Variants in SELENOI observed in about 807,000 individuals in gnomAD.
SELENOI encodes ethanolaminephosphotransferase 1.
In SELENOI, 24 loss-of-function variants were observed where a neutral mutation model predicts 50.7. The observed-to-expected ratio is 0.47, with a 90% CI of 0.34 to 0.67. The LOEUF (loss-of-function observed/expected upper bound fraction) is 0.67. Among genes scored for constraint, SELENOI ranks in the 30% least tolerant of loss-of-function variants. SELENOI has a pLI of 0.01. For missense variants in SELENOI, 352 were observed against 461.4 expected (o/e 0.76, Z 2.17); for synonymous variants, 155 against 170.2 (o/e 0.91, Z 0.70).
chr2:26,393,407 T>C lies in SELENOI; in HGVS notation c.*4304T>C, dbSNP rs1041785111. 7.9e-5 allele frequency: 12 copies of C among 152,608 alleles called. No homozygotes were observed. Among genetic ancestry groups the C allele is most frequent in the Non-Finnish European group, 1.6e-4 (11 of 68,018 alleles). The allele number at this position is 152,608 out of a possible 1,614,324, so 9.5% of individuals were successfully genotyped here. A position where few individuals can be genotyped will look rare whatever the true frequency, so the allele number is the denominator to read the frequency against. On this transcript the variant is annotated 3_prime_UTR_variant, in exon 10 of 10. Coordinates refer to ENST00000260585, the MANE Select transcript of SELENOI (RefSeq NM_033505.4). ...TACTTTTTTTAAAGCAGGGATCTGC[T>C]CCCTATCTAGACAGATCTTTTAATG...
Position 26,383,816 on chromosome 2 carries a change from G to A in SELENOI, c.731+469G>A, listed in dbSNP as rs112022872. Among the ~76,000 whole-genome samples the A allele has an allele frequency of 9.3e-3, 1,415 of 152,264 alleles. 6 individuals are homozygous for A. The highest frequency in any genetic ancestry group is 0.015 in the Non-Finnish European group (1,024 of 68,008). The stretch of plus-strand genomic sequence containing the variant: ...TTGAACCTGGGAGGCGGAGGTTGCA[G>A]TGAGTCGAGATCGCGCCACTGCACT... On this transcript the variant is annotated intron_variant, in intron 7 of 9. Transcript: ENST00000260585.
Position 26,373,532 on chromosome 2 carries a change from T to G in SELENOI, c.476T>G (p.Leu159Arg). 6.2e-7 allele frequency: 1 copy of G among 1,613,990 alleles called. No individual in the cohort carries two copies. Among genetic ancestry groups the G allele is most frequent in the Non-Finnish European group, 8.5e-7 (1 of 1,179,882 alleles). Residue 159 changes from leucine to arginine, a missense_variant, in exon 5 of 10, where the codon CTG (leucine) becomes CGG (arginine). By Grantham distance (102) the Leu-to-Arg change is moderately radical (BLOSUM62 -2). Coordinates refer to ENST00000260585, the MANE Select transcript of SELENOI (RefSeq NM_033505.4). The part of the protein sequence containing the change: ...TGVSVFVLYL[L>R]LWVVLFSFIL... Reference sequence around the variant, plus strand: ...GTCAGTGTTTTTGTTCTTTATCTCCTGCTATGGGTAGTTTTGTTTTCTTTC... The same window carrying G: ...GTCAGTGTTTTTGTTCTTTATCTCCGGCTATGGGTAGTTTTGTTTTCTTTC...
intron 9 of SELENOI, among the ~76,000 whole-genome samples, chr2:26,387,426 C>T (rs764809096): frequency 2.0e-4 from 30 of 152,014 alleles, no homozygotes; most frequent in Non-Finnish European, 4.0e-4. Context: ...TGTGGTGGCT[C>T]ATGCCTGTAA....
intron 5 of SELENOI, 87 bp from the exon 6 acceptor site, chr2:26,374,953 T>G (rs1166260129): frequency 1.1e-6 from 1 of 872,710 alleles, no homozygotes; most frequent in Non-Finnish European, 1.8e-6. Context: ...ACTGTTTGAC[T>G]TGACTTAATG....
chr2:26,346,317 C>G (rs1676751679), intron 1 of SELENOI, 28 bp downstream of exon 1: 1 of 1,597,538 alleles, frequency 6.3e-7, no homozygotes, highest in Non-Finnish European at 8.5e-7. Context: ...ATGCCCCTCT[C>G]CCTGCTCCCG....
intron 1 of SELENOI, among the ~76,000 whole-genome samples, chr2:26,360,385 T>C (rs990304987): frequency 1.8e-4 from 27 of 152,354 alleles, no homozygotes; most frequent in African/African-American, 1.9e-4. Flanking sequence ...TCCAATTAGG[T>C]AAACTGGCCT....
At chr2:26,387,526 A>T (rs1039017266) in intron 9 of SELENOI, among the ~76,000 whole-genome samples, 7 of 147,636 alleles carry the variant, frequency 4.7e-5, no homozygotes, top group African/African-American at 1.5e-4. Flanking sequence ...CCCTGTCTCT[A>T]CAAAAAATAC....
chr2:26,377,511 A>G (rs1677593268), intron 6 of SELENOI, among the ~76,000 whole-genome samples: 1 of 152,120 alleles, frequency 6.6e-6, no homozygotes. Context: ...GCATGCCTGT[A>G]GTCCCAGTTA....
intron 1 of SELENOI, among the ~76,000 whole-genome samples, chr2:26,352,149 A>G (rs1676973962): frequency 6.6e-6 from 1 of 152,130 alleles, no homozygotes. Context: ...CAGAGAAGAA[A>G]AAAAAGCCAA....
intron 1 of SELENOI, among the ~76,000 whole-genome samples, chr2:26,358,150 C>T (rs13014464): frequency 0.29 from 43,541 of 152,062 alleles, 7,212 homozygotes; most frequent in Middle Eastern, 0.37. Context: ...CGCCTGCAAT[C>T]CCAGCACTTT....
intron 4 of SELENOI, among the ~76,000 whole-genome samples, chr2:26,369,434 A>G (rs1477190021): frequency 1.3e-5 from 2 of 152,058 alleles, no homozygotes; most frequent in East Asian, 1.9e-4. Context: ...CTTTTTTTCT[A>G]TTAACACTAC....
chr2:26,348,996 CTTTTTTTTTTTTTTTTTTTTTTT>C (rs869073468), intron 1 of SELENOI, among the ~76,000 whole-genome samples: 5 of 57,690 alleles, frequency 8.7e-5, no homozygotes, highest in East Asian at 8.6e-4. Flanking sequence ...TTTGGACAGG[CTTTTTTTTTTTTTTTTTTTTTTT>C]TTTTTTTTTT....
chr2:26,362,865 G>T (rs1677211314), intron 1 of SELENOI, among the ~76,000 whole-genome samples: 1 of 152,174 alleles, frequency 6.6e-6, no homozygotes, highest in South Asian at 2.1e-4. Context: ...AACCCTCAAG[G>T]AGGGTTTGAA....
At position 26,384,987 on chromosome 2, in the gene SELENOI, A is replaced by G. The variant is rs369323271; in HGVS notation, c.760A>G (p.Asn254Asp). The change falls in exon 8 of 10, where the codon AAT becomes GAT. Residue 254 changes from asparagine (N) to aspartate (D), a missense_variant. Asn to Asp is a conservative substitution (Grantham distance 23). Coordinates refer to ENST00000260585, the MANE Select transcript of SELENOI (RefSeq NM_033505.4). ...CTATAAAAATAACACCTTGAAACTC[A>G]ATTCAGTCTATGAAGCTATGGTTCC... The part of the protein sequence containing the change: ...RSYKNNTLKL[N>D]SVYEAMVPLF... 3 of 1,607,996 alleles carry G rather than the reference A, an allele frequency of 1.9e-6. No homozygotes were observed. The South Asian group carries it at 3.4e-5, about 18-fold the overall frequency.
intron 1 of SELENOI, among the ~76,000 whole-genome samples, chr2:26,353,539 ATTG>A (rs1430214209): frequency 6.6e-6 from 1 of 152,194 alleles, no homozygotes; most frequent in Non-Finnish European, 1.5e-5. Flanking sequence ...CTTATCTTTA[ATTG>A]TACCTTTGTC....
chr2:26,384,507 TCAGAGTC>T (rs1167095586), intron 7 of SELENOI, among the ~76,000 whole-genome samples: 1 of 152,200 alleles, frequency 6.6e-6, no homozygotes, highest in Non-Finnish European at 1.5e-5. Flanking sequence ...CAGTCGCACC[TCAGAGTC>T]TTTCATTGTG....
At chr2:26,374,508 A>T (rs772352197) in intron 5 of SELENOI, among the ~76,000 whole-genome samples, 1 of 151,902 alleles carries the variant, frequency 6.6e-6, no homozygotes, top group Non-Finnish European at 1.5e-5. Context: ...AATGATGGCC[A>T]GTTGCTTGCA....
intron 1 of SELENOI, among the ~76,000 whole-genome samples, chr2:26,351,017 G>A (rs1051907149): frequency 1.3e-5 from 2 of 151,440 alleles, no homozygotes; most frequent in African/African-American, 4.9e-5. Flanking sequence ...AAAATCATCT[G>A]GCAGTGCAGT....
rs1486419148 is a variant in SELENOI, at chr2:26,370,374, C to T, written c.311-2993C>T. 7.9e-5 allele frequency among the ~76,000 whole-genome samples: 12 copies of T among 151,822 alleles called. No individual in the cohort carries two copies. In the South Asian group the frequency reaches 2.3e-3, roughly 29 times the overall value. On this transcript the variant is annotated intron_variant, in intron 4 of 9. Transcript: ENST00000260585. ...GGCCCGTTCTCAATGAGCTGTTGGGCACACCTCCCAGACGGGGTGGTGGCC... is the reference window on the plus strand; with the variant it reads ...GGCCCGTTCTCAATGAGCTGTTGGGTACACCTCCCAGACGGGGTGGTGGCC...
Sources: allele counts gnomAD v4.1 joint callset (sites outside exome capture counted in the v4.1 genomes callset), GRCh38; gene constraint gnomAD v4.1.1; transcripts MANE v1.5; gene names NCBI Gene and HGNC (gene_info 2026-07-23, HGNC 2026-07-21).